Variants in SYT6 observed in about 807,000 individuals in gnomAD.
SYT6 encodes the protein synaptotagmin-6.
SYT6 carries 24 observed loss-of-function variants against 38.4 expected under a neutral mutation model. The ratio of observed to expected loss-of-function variants is 0.62; its 90% CI spans 0.45 to 0.88. The LOEUF (loss-of-function observed/expected upper bound fraction) is 0.88, where lower values mean the gene tolerates loss of function less well. Among genes scored for constraint, SYT6 ranks in the 40% least tolerant of loss-of-function variants. The pLI is 0.00. For missense variants in SYT6, 611 were observed against 621.0 expected (o/e 0.98, Z 0.17); for synonymous variants, 265 against 241.9 (o/e 1.10, Z -0.89).
chr1:114,125,667 T>A (rs1677681972), intron 3 of SYT6, among the ~76,000 whole-genome samples: 1 of 152,094 alleles, frequency 6.6e-6, no homozygotes, highest in Non-Finnish European at 1.5e-5. Flanking sequence ...TAAAACACCA[T>A]AAACATATGA....
chr1:114,131,146 C>T (rs749850304), intron 3 of SYT6, among the ~76,000 whole-genome samples: 1 of 152,192 alleles, frequency 6.6e-6, no homozygotes, highest in Non-Finnish European at 1.5e-5. Flanking sequence ...GAACTGGTTT[C>T]CTGCCTCCCC....
intron 1 of SYT6, among the ~76,000 whole-genome samples, chr1:114,148,406 C>G (rs548937325): frequency 1.3e-5 from 2 of 152,350 alleles, no homozygotes; most frequent in Non-Finnish European, 2.9e-5. Flanking sequence ...ATTTTCCCTA[C>G]TCACCCCAAA....
At chr1:114,095,646 G>C (rs186887386) in intron 6 of SYT6, among the ~76,000 whole-genome samples, 3 of 148,688 alleles carry the variant, frequency 2.0e-5, no homozygotes, top group Non-Finnish European at 4.5e-5. Flanking sequence ...AGACCAGAGT[G>C]GGGCAGTGAG....
rs80186914 is a variant in SYT6 at position 114,146,066 on chromosome 1, C to T, written c.164-6103G>A. On this transcript the variant is annotated intron_variant, in intron 1 of 7. Transcript: ENST00000610222. Reference sequence around the variant, plus strand: ...ACTGGTTATATGAGACCAGGAGGCCCGTCCTATGCCTGAAGAATCTTATTG... The same window carrying T: ...ACTGGTTATATGAGACCAGGAGGCCTGTCCTATGCCTGAAGAATCTTATTG... 5.9e-5 allele frequency among the ~76,000 whole-genome samples: 9 copies of T among 152,172 alleles called. No homozygotes were observed. The East Asian group carries it at 9.7e-4, about 16-fold the overall frequency.
At chr1:114,114,287 G>A (rs190777867) in intron 3 of SYT6, among the ~76,000 whole-genome samples, 24 of 152,288 alleles carry the variant, frequency 1.6e-4, no homozygotes, top group Non-Finnish European at 2.2e-4. Context: ...TACTTCACTC[G>A]CCTCACCCTA....
At chr1:114,129,856 T>A (rs1297034177) in intron 3 of SYT6, among the ~76,000 whole-genome samples, 14 of 139,454 alleles carry the variant, frequency 1.0e-4, no homozygotes, top group South Asian at 9.9e-4. Context: ...TTTTTTTTTT[T>A]AATTTTTTGT....
At chr1:114,145,144 A>T (rs1679092469) in intron 1 of SYT6, among the ~76,000 whole-genome samples, 1 of 152,208 alleles carries the variant, frequency 6.6e-6, no homozygotes, top group Non-Finnish European at 1.5e-5. Context: ...AGAGAAAAAA[A>T]CCAAGCCATT....
intron 6 of SYT6, among the ~76,000 whole-genome samples, chr1:114,096,532 T>C (rs1309113292): frequency 6.6e-6 from 1 of 152,168 alleles, no homozygotes; most frequent in Non-Finnish European, 1.5e-5. Context: ...TTATCACCTA[T>C]GTTTCCATGG....
intron 3 of SYT6, among the ~76,000 whole-genome samples, chr1:114,114,112 T>G (rs1676851238): frequency 6.6e-6 from 1 of 152,166 alleles, no homozygotes; most frequent in East Asian, 1.9e-4. Flanking sequence ...CGCCTCCCTC[T>G]GCTGCCAACT....
chr1:114,111,641 G>A (rs1676683226), intron 3 of SYT6, among the ~76,000 whole-genome samples: 1 of 134,278 alleles, frequency 7.4e-6, no homozygotes, highest in East Asian at 2.1e-4. Flanking sequence ...CCTTGGTCTG[G>A]CCTGGGGTTG....
In SYT6 at chr1:114,139,802, G is replaced by A. The variant is rs140788805; in HGVS notation, c.325C>T (p.Pro109Ser). The change falls in exon 2 of 8, where the codon CCC becomes TCC. Residue 109 changes from proline (P) to serine (S), a missense_variant. Pro to Ser is a moderately conservative substitution (Grantham distance 74, BLOSUM62 -1). Coordinates refer to ENST00000610222, the MANE Select transcript of SYT6 (RefSeq NM_001253772.2). The part of the protein sequence containing the change: ...ANPPLEALQS[P>S]SFRGNMADKL... ...TCCGCCATGTTGCCTCTGAAGCTGG[G>A]GCTCTGGAGGGCTTCCAAGGGGGGA... 280 of 1,607,320 alleles carry A rather than the reference G, an allele frequency of 1.7e-4. 1 individual carries two copies. In the African/African-American group the frequency reaches 3.0e-3, roughly 17 times the overall value.
At chr1:114,142,564 G>T (rs1001919167) in intron 1 of SYT6, among the ~76,000 whole-genome samples, 2 of 152,234 alleles carry the variant, frequency 1.3e-5, no homozygotes, top group Non-Finnish European at 1.5e-5. Context: ...AGTGGCAGGG[G>T]TTGAGAGGAT....
At chr1:114,141,788 A>G (rs555597789) in intron 1 of SYT6, among the ~76,000 whole-genome samples, 5 of 152,344 alleles carry the variant, frequency 3.3e-5, no homozygotes, top group Admixed American at 3.3e-4. Flanking sequence ...TGACTTTAAG[A>G]TGAACCCAGT....
At position 114,153,794 on chromosome 1, in the gene SYT6, C is replaced by T. The variant is rs4556356; in HGVS notation, c.-22G>A. ...TCATGCCCTAGACACCCAGGCTTGC[C>T]GAGCAGCAGCTCGAACCCGCGCCCC... On this transcript the variant is annotated 5_prime_UTR_variant, in exon 1 of 8. Transcript: ENST00000610222. 1.4e-5 allele frequency: 9 copies of T among 644,702 alleles called. No homozygotes were observed. The highest frequency in any genetic ancestry group is 1.3e-4 in the African/African-American group (7 of 52,050). The allele number at this position is 644,702 out of a possible 1,614,324, so 39.9% of individuals were successfully genotyped here. A position where few individuals can be genotyped will look rare whatever the true frequency, so the allele number is the denominator to read the frequency against.
chr1:114,153,692 C>T lies in SYT6; in HGVS notation c.81G>A (p.Pro27=). ...AVLASLCRAR[P]PPLGLDVETC... ...TCTCCACGTCCAGCCCGAGAGGGGG[C>T]GGCCGGGCCCGGCACAGCGAGGCGA... The change falls in exon 1 of 8, where the codon CCG becomes CCA. Residue 27 remains proline (P), a synonymous_variant. Coordinates refer to ENST00000610222, the MANE Select transcript of SYT6 (RefSeq NM_001253772.2). 3.0e-6 allele frequency: 2 copies of T among 672,738 alleles called. No homozygotes were observed. The highest frequency in any genetic ancestry group is 2.7e-6 in the Non-Finnish European group (1 of 369,504). 41.7% of individuals were successfully genotyped at this position (672,738 alleles called of 1,614,324 possible).
chr1:114,122,984 C>T (rs1449615972), intron 3 of SYT6, among the ~76,000 whole-genome samples: 1 of 152,224 alleles, frequency 6.6e-6, no homozygotes, highest in African/African-American at 2.4e-5. Context: ...TGACTCACAC[C>T]TCCTTTTCTC....
chr1:114,105,248 G>A (rs1395589341), intron 3 of SYT6, among the ~76,000 whole-genome samples: 1 of 151,986 alleles, frequency 6.6e-6, no homozygotes, highest in Non-Finnish European at 1.5e-5. Flanking sequence ...GTGACACCAG[G>A]GTTTTTGTCC....
intron 3 of SYT6, among the ~76,000 whole-genome samples, chr1:114,123,075 AGT>A (rs1008701430): frequency 6.6e-6 from 1 of 152,090 alleles, no homozygotes; most frequent in Non-Finnish European, 1.5e-5. Context: ...ACTTTCAGCT[AGT>A]TCCTCTGATG....
intron 7 of SYT6, among the ~76,000 whole-genome samples, chr1:114,092,338 CTGTGTGTGTGTGTGTG>C (rs57240903): frequency 7.8e-6 from 1 of 128,572 alleles, no homozygotes; most frequent in South Asian, 3.5e-4. Context: ...CTCTCTCTCT[CTGTGTGTGTGTGTGTG>C]TGTGTGTGTG....
Sources: gnomAD v4.1 joint callset for allele counts (sites outside exome capture counted in the v4.1 genomes callset) on GRCh38, gnomAD v4.1.1 for gene constraint, MANE v1.5 for transcripts, NCBI Gene and HGNC (gene_info 2026-07-23, HGNC 2026-07-21) for gene names.